KANK1: variants seen among roughly 807,000 people sequenced by gnomAD.
KANK1 encodes the protein KN motif and ankyrin repeat domain-containing protein 1.
Under a neutral mutation model 106.2 loss-of-function variants are expected in KANK1, and 109 were observed. That is an observed-to-expected ratio of 1.03 (90% CI 0.88 to 1.20). KANK1 has a LOEUF of 1.20. Among genes scored for constraint, KANK1 ranks in the 50% most tolerant of loss-of-function variants. The probability of loss-of-function intolerance (pLI) is 0.00; values close to 1 mark genes in which losing one functional copy is unlikely to be tolerated. For synonymous variants in KANK1, 873 were observed against 652.2 expected (o/e 1.34, Z -5.16); for missense variants, 2,399 against 1,710.7 (o/e 1.40, Z -7.10).
chr9:508,260 C>A (rs2058864898), intron 1 of KANK1, among the ~76,000 whole-genome samples: 1 of 150,516 alleles, frequency 6.6e-6, no homozygotes, highest in Non-Finnish European at 1.5e-5. Flanking sequence ...GCCTCAGCCT[C>A]CTGAGTAGCT....
chr9:528,949 A>T (rs2059932178), intron 1 of KANK1, among the ~76,000 whole-genome samples: 1 of 151,852 alleles, frequency 6.6e-6, no homozygotes, highest in African/African-American at 2.4e-5. Context: ...ACAGGTGCAT[A>T]CCACCACGTC....
At chr9:500,108 C>A (rs1195733664), upstream of KANK1, among the ~76,000 whole-genome samples, 3 of 152,190 alleles carry the variant, frequency 2.0e-5, no homozygotes, top group African/African-American at 7.2e-5. Context: ...GATCTTCTTG[C>A]ACCTGCTGTT....
At chr9:590,164 G>C (rs1271848450) in intron 1 of KANK1, among the ~76,000 whole-genome samples, 1 of 152,158 alleles carries the variant, frequency 6.6e-6, no homozygotes, top group Non-Finnish European at 1.5e-5. Flanking sequence ...GGAGTTAAGT[G>C]CCACATGATG....
chr9:541,615 T>C (rs899955251), intron 1 of KANK1, among the ~76,000 whole-genome samples: 2 of 151,582 alleles, frequency 1.3e-5, no homozygotes, highest in Non-Finnish European at 2.9e-5. Context: ...CATAGACAAA[T>C]GGGATTGTGT....
At chr9:477,288 A>G (rs2058122170) in intron 3 of KANK1, among the ~76,000 whole-genome samples, 1 of 151,870 alleles carries the variant, frequency 6.6e-6, no homozygotes, top group South Asian at 2.1e-4. Context: ...AGATTGTTAC[A>G]GCAGGAATGC....
intron 1 of KANK1, among the ~76,000 whole-genome samples, chr9:654,440 C>G (rs1334114833): frequency 6.6e-6 from 1 of 152,166 alleles, no homozygotes; most frequent in Non-Finnish European, 1.5e-5. Flanking sequence ...ATTACCAGAT[C>G]TGGAGGAACT....
intron 1 of KANK1, among the ~76,000 whole-genome samples, chr9:666,516 G>C (rs1273073213): frequency 6.6e-6 from 1 of 151,892 alleles, no homozygotes; most frequent in Non-Finnish European, 1.5e-5. Context: ...CCCTTGTCTT[G>C]TTCCAGATCT....
chr9:665,386 T>C (rs2138298637), intron 1 of KANK1, among the ~76,000 whole-genome samples: 1 of 152,308 alleles, frequency 6.6e-6, no homozygotes, highest in Middle Eastern at 3.4e-3. Flanking sequence ...CTACATACAG[T>C]TGTCCAGTTT....
chr9:569,204 C>T (rs1253669442), intron 1 of KANK1, among the ~76,000 whole-genome samples: 1 of 149,580 alleles, frequency 6.7e-6, no homozygotes, highest in African/African-American at 2.4e-5. Context: ...TCTCAAAAAA[C>T]ATAGCTTCCT....
chr9:699,963 C>G (rs1822245460), intron 2 of KANK1, among the ~76,000 whole-genome samples: 1 of 152,122 alleles, frequency 6.6e-6, no homozygotes, highest in African/African-American at 2.4e-5. Flanking sequence ...GCCTGAGTGA[C>G]AGAGCAAGAC....
At chr9:701,668 CA>C (rs1320848113) in intron 2 of KANK1, among the ~76,000 whole-genome samples, 2 of 152,002 alleles carry the variant, frequency 1.3e-5, no homozygotes, top group Non-Finnish European at 2.9e-5. Flanking sequence ...TTCGCGGGGG[CA>C]AAATCACCTC....
At chr9:581,183 A>T (rs1336316477) in intron 1 of KANK1, among the ~76,000 whole-genome samples, 1 of 152,096 alleles carries the variant, frequency 6.6e-6, no homozygotes, top group Non-Finnish European at 1.5e-5. Flanking sequence ...AAGCAGAGGG[A>T]GCCGGCTCCG....
In KANK1 at chr9:712,008, G is replaced by C; in HGVS notation, c.1242G>C (p.Val414=). Residue 414 remains valine, a synonymous_variant, in exon 3 of 12, where the codon GTG becomes GTC. Transcript: ENST00000382297. ...GAEENMNDIV[V]YHRGSRSCKD... ...AGGAGAACATGAACGACATCGTCGT[G>C]TACCACAGAGGCTCCAGGTCCTGTA... 1 of 1,614,174 alleles carries C rather than the reference G, an allele frequency of 6.2e-7. No individual in the cohort carries two copies. Among genetic ancestry groups the C allele is most frequent in the Non-Finnish European group, 8.5e-7 (1 of 1,180,038 alleles).
chr9:566,584 G>A (rs747609157), intron 1 of KANK1, among the ~76,000 whole-genome samples: 9 of 152,152 alleles, frequency 5.9e-5, no homozygotes, highest in Non-Finnish European at 1.0e-4. Context: ...CCTTGTGGTT[G>A]TTATTTGCGT....
At chr9:538,427 A>C (rs1043219018) in intron 1 of KANK1, among the ~76,000 whole-genome samples, 2 of 152,188 alleles carry the variant, frequency 1.3e-5, no homozygotes, top group African/African-American at 4.8e-5. Context: ...AAAGAAAAAC[A>C]TTTATAGCAT....
intron 1 of KANK1, among the ~76,000 whole-genome samples, chr9:535,545 C>T (rs1281995904): frequency 6.6e-6 from 1 of 152,182 alleles, no homozygotes; most frequent in African/African-American, 2.4e-5. Flanking sequence ...TGCCCCAGGT[C>T]ACAGGGCTAA....
intron 1 of KANK1, among the ~76,000 whole-genome samples, chr9:650,743 A>G (rs1401945330): frequency 6.6e-6 from 1 of 151,130 alleles, no homozygotes; most frequent in Non-Finnish European, 1.5e-5. Flanking sequence ...TCTCTTTACC[A>G]GTCTTAAGGT....
chr9:559,935 A>G (rs977749815), intron 1 of KANK1, among the ~76,000 whole-genome samples: 1 of 152,140 alleles, frequency 6.6e-6, no homozygotes, highest in Non-Finnish European at 1.5e-5. Context: ...CATTTTTACC[A>G]TGTATTATAG....
chr9:678,163 C>T (rs996715914), intron 2 of KANK1, among the ~76,000 whole-genome samples: 2 of 152,178 alleles, frequency 1.3e-5, no homozygotes, highest in Non-Finnish European at 2.9e-5. Flanking sequence ...ACTGATCTTT[C>T]CCTGTCCATT....
Sources: gnomAD v4.1 joint callset for allele counts (sites outside exome capture counted in the v4.1 genomes callset) on GRCh38, gnomAD v4.1.1 for gene constraint, MANE v1.5 for transcripts, NCBI Gene and HGNC (gene_info 2026-07-23, HGNC 2026-07-21) for gene names.